PARP1: variants seen among roughly 807,000 people sequenced by gnomAD.
PARP1 encodes the protein poly(ADP-ribose) polymerase 1, also known as poly [ADP-ribose] polymerase 1.
A neutral mutation model predicts 118.7 loss-of-function variants in PARP1; 44 were observed. The ratio of observed to expected loss-of-function variants is 0.37; its 90% CI spans 0.29 to 0.48. The LOEUF (loss-of-function observed/expected upper bound fraction) is 0.48. Among genes scored for constraint, PARP1 ranks in the 20% least tolerant of loss-of-function variants. The pLI, the probability that PARP1 is intolerant of heterozygous loss-of-function variation, is 0.99. For missense variants in PARP1, 1,100 were observed against 1,272.4 expected, an observed-to-expected ratio of 0.86 and a Z score of 2.06; for synonymous variants, 492 against 483.2, an observed-to-expected ratio of 1.02 and a Z score of -0.24.
chr1:226,380,214 C>T, intron 9 of PARP1, 50 bp from the exon 10 acceptor site: 1 of 1,577,858 alleles, frequency 6.3e-7, no homozygotes, highest in Non-Finnish European at 8.7e-7. Context: ...TAAAACAAAA[C>T]TGAAACTTCA....
Position 226,363,149 on chromosome 1 carries a change from T to C in PARP1, c.2798A>G (p.Lys933Arg). 1 of 1,613,032 alleles carries C rather than the reference T, an allele frequency of 6.2e-7. No homozygotes were observed. The highest frequency in any genetic ancestry group is 8.5e-7 in the Non-Finnish European group (1 of 1,179,000). ...TAACTTGCTGATATGTGAAGCGTGC[T>C]TCAGTTCATACCTATTCAAAAGAGG... ...EVALGNMYELKHASHISKLPK... is the reference protein window; with the variant it reads ...EVALGNMYELRHASHISKLPK... The change falls in exon 21 of 23, where the codon AAG becomes AGG. Residue 933 changes from lysine (K) to arginine (R), a missense_variant. Physicochemically the swap from Lys to Arg is conservative, Grantham distance 26 (BLOSUM62 2). Coordinates refer to ENST00000366794, the MANE Select transcript of PARP1 (RefSeq NM_001618.4).
At chr1:226,374,989 C>CTG (rs1664460436) in intron 13 of PARP1, among the ~76,000 whole-genome samples, 1 of 152,240 alleles carries the variant, frequency 6.6e-6, no homozygotes, top group South Asian at 2.1e-4. Context: ...CAAGATCACA[C>CTG]TGTACTGAAA....
Position 226,385,606 on chromosome 1 carries a change from G to A in PARP1, c.909C>T (p.Val303=). ...TGCAGTAATAGGCATCGCTCTTGAA[G>A]ACCAGCTGACCCGAGCATTCCTCGC... ...LPCEECSGQL[V]FKSDAYYCTG... is the part of the protein sequence containing the mutation. The change falls in exon 7 of 23, where the codon GTC becomes GTT. Residue 303 remains valine, a synonymous_variant. Transcript: ENST00000366794. 1 of 1,614,138 alleles carries A rather than the reference G, an allele frequency of 6.2e-7. No homozygotes were observed. Among genetic ancestry groups the A allele is most frequent in the Non-Finnish European group, 8.5e-7 (1 of 1,179,980 alleles).
intron 2 of PARP1, among the ~76,000 whole-genome samples, chr1:226,397,741 A>G (rs1458605962): frequency 6.6e-6 from 1 of 152,148 alleles, no homozygotes; most frequent in Non-Finnish European, 1.5e-5. Context: ...AGGTTGGAGG[A>G]CTGACACTAC....
intron 14 of PARP1, among the ~76,000 whole-genome samples, chr1:226,372,172 G>A (rs983985367): frequency 6.6e-6 from 1 of 152,200 alleles, no homozygotes; most frequent in Admixed American, 6.5e-5. Flanking sequence ...AGGTTCCCCT[G>A]GTGCTGGGGA....
In PARP1 at chr1:226,390,404, A is replaced by G; in HGVS notation, c.617+6T>C. On this transcript the variant is annotated splice_donor_region_variant and intron_variant, in intron 4 of 22. Coordinates refer to ENST00000366794, the MANE Select transcript of PARP1 (RefSeq NM_001618.4). ...CCCCAGGGCAACCCCGCAGTGCTCCACCCACCCTTCACTCTTGACTCCTGG... is the reference window on the plus strand; with the variant it reads ...CCCCAGGGCAACCCCGCAGTGCTCCGCCCACCCTTCACTCTTGACTCCTGG... 1.2e-6 allele frequency: 2 copies of G among 1,612,748 alleles called. No individual in the cohort carries two copies. Among genetic ancestry groups the G allele is most frequent in the Non-Finnish European group, 1.7e-6 (2 of 1,179,704 alleles).
chr1:226,388,820 C>T (rs561420577), intron 4 of PARP1, 65 bp from the exon 5 acceptor site: 340 of 1,185,336 alleles, frequency 2.9e-4, no homozygotes, highest in African/African-American at 1.7e-3. Flanking sequence ...CAATGACTTG[C>T]GGTGATGCAG....
intron 1 of PARP1, among the ~76,000 whole-genome samples, chr1:226,407,376 A>AC (rs1297569758): frequency 2.3e-4 from 32 of 138,236 alleles, no homozygotes; most frequent in East Asian, 1.6e-3. Flanking sequence ...AGGTTTAACA[A>AC]AAAAAAAAAA....
Position 226,390,398 on chromosome 1 carries a change from T to C in PARP1, c.617+12A>G, listed in dbSNP as rs1805403. 1,273,896 of 1,611,530 alleles carry C rather than the reference T, an allele frequency of 0.79. 506,133 individuals are homozygous for C. The highest frequency in any genetic ancestry group is 0.94 in the African/African-American group (70,535 of 74,946). On this transcript the variant is annotated intron_variant, in intron 4 of 22. Transcript: ENST00000366794. ...CTGAACCCCCAGGGCAACCCCGCAGTGCTCCACCCACCCTTCACTCTTGAC... is the reference window on the plus strand; with the variant it reads ...CTGAACCCCCAGGGCAACCCCGCAGCGCTCCACCCACCCTTCACTCTTGAC...
At chr1:226,380,386 A>C (rs974938880) in intron 9 of PARP1, among the ~76,000 whole-genome samples, 59 of 152,156 alleles carry the variant, frequency 3.9e-4, no homozygotes, top group African/African-American at 1.3e-3. Flanking sequence ...ATTCTACAGC[A>C]CGATGTTAAC....
At chr1:226,398,124 C>CAAT (rs754245622) in intron 2 of PARP1, among the ~76,000 whole-genome samples, 1 of 151,098 alleles carries the variant, frequency 6.6e-6, no homozygotes, top group Non-Finnish European at 1.5e-5. Context: ...TTTTTACAAA[C>CAAT]ACCAAAAGCC....
At chr1:226,382,075 C>A (rs1189011548) in intron 8 of PARP1, among the ~76,000 whole-genome samples, 1 of 152,160 alleles carries the variant, frequency 6.6e-6, no homozygotes, top group Non-Finnish European at 1.5e-5. Flanking sequence ...GGGATGACCA[C>A]CAGCACACAC....
intron 21 of PARP1, among the ~76,000 whole-genome samples, chr1:226,362,852 A>ATT: frequency 6.7e-6 from 1 of 148,410 alleles, no homozygotes; most frequent in African/African-American, 2.5e-5. Context: ...GAGCTTGCCT[A>ATT]TTTTTTTTTT....
chr1:226,405,979 A>G (rs1665138770), intron 1 of PARP1, among the ~76,000 whole-genome samples: 1 of 152,186 alleles, frequency 6.6e-6, no homozygotes, highest in Non-Finnish European at 1.5e-5. Flanking sequence ...AAGGCTCGAA[A>G]AGGAAACACT....
At chr1:226,388,096 C>T (rs1664749922) in intron 5 of PARP1, among the ~76,000 whole-genome samples, 1 of 152,178 alleles carries the variant, frequency 6.6e-6, no homozygotes, top group African/African-American at 2.4e-5. Context: ...TTTTGCTTTG[C>T]TTCAACATGT....
intron 21 of PARP1, among the ~76,000 whole-genome samples, chr1:226,362,470 A>G (rs182182375): frequency 1.3e-5 from 2 of 152,196 alleles, no homozygotes; most frequent in East Asian, 1.9e-4. Flanking sequence ...GACATGCTCT[A>G]TCTTTCTTCA....
chr1:226,371,325 C>G (rs945365086), intron 14 of PARP1, among the ~76,000 whole-genome samples: 6 of 152,192 alleles, frequency 3.9e-5, no homozygotes, highest in African/African-American at 7.2e-5. Context: ...CCCTGGGGGC[C>G]GTGACTGCGC....
At chr1:226,398,570 A>T (rs1664969982) in intron 2 of PARP1, among the ~76,000 whole-genome samples, 1 of 151,782 alleles carries the variant, frequency 6.6e-6, no homozygotes, top group Admixed American at 6.6e-5. Context: ...GGCAAAAGAC[A>T]TTTCACCAAA....
Position 226,381,071 on chromosome 1 carries a change from T to C in PARP1, c.1297A>G (p.Lys433Glu). 2 of 1,614,244 alleles carry C rather than the reference T, an allele frequency of 1.2e-6. No individual in the cohort carries two copies. The highest frequency in any genetic ancestry group is 1.7e-6 in the Non-Finnish European group (2 of 1,180,030). Residue 433 changes from lysine to glutamate, a missense_variant, in exon 9 of 23, where the codon AAA (lysine) becomes GAA (glutamate). Transcript: ENST00000366794. The stretch of plus-strand genomic sequence containing the variant: ...CACAAATTCAGATTCAACTCACTTT[T>C]GGTGCTGATGCACAGGGAAGCCTTG... Reference protein sequence around the residue: ...ANKASLCISTKKEVEKMNKKM... With the variant: ...ANKASLCISTEKEVEKMNKKM...
Sources: allele counts gnomAD v4.1 joint callset (sites outside exome capture counted in the v4.1 genomes callset), GRCh38; gene constraint gnomAD v4.1.1; transcripts MANE v1.5; gene names NCBI Gene and HGNC (gene_info 2026-07-23, HGNC 2026-07-21).